Variants in COL6A6 observed in about 807,000 individuals in gnomAD.
COL6A6 encodes the protein collagen type VI alpha 6 chain.
A neutral mutation model predicts 208.6 loss-of-function variants in COL6A6; 183 were observed. The ratio of observed to expected loss-of-function variants is 0.88; its 90% CI spans 0.78 to 0.99. The LOEUF (loss-of-function observed/expected upper bound fraction) is 0.99, where lower values mean the gene tolerates loss of function less well. COL6A6 is among the 50% of genes least tolerant of loss of function. COL6A6 has a pLI of 0.00. For synonymous variants in COL6A6, 973 were observed against 1,011.8 expected (o/e 0.96, Z 0.73); for missense variants, 2,816 against 2,815.2 (o/e 1.00, Z -0.01).
In COL6A6 at chr3:130,592,554, C is replaced by T. The variant is rs73868925; in HGVS notation, c.4286C>T (p.Ala1429Val). ...GCCCTTTCTCAGGGAGAAAGAGGAG[C>T]CCCTGGACCAGTGGGAGAGCAAGGT... ...GEEGIAGERG[A>V]PGPVGEQGTK... The change falls in exon 14 of 37, where the codon GCC becomes GTC. Residue 1429 changes from alanine (A) to valine (V), a missense_variant. Physicochemically the swap from Ala to Val is moderately conservative, Grantham distance 64. Coordinates refer to ENST00000358511, the MANE Select transcript of COL6A6 (RefSeq NM_001102608.3). 0.094 allele frequency: 150,460 copies of T among 1,602,270 alleles called. 8,342 individuals are homozygous for T. The highest frequency in any genetic ancestry group is 0.21 in the South Asian group (18,683 of 89,914).
intron 1 of COL6A6, among the ~76,000 whole-genome samples, chr3:130,539,632 CAAA>C (rs67040926): frequency 7.3e-6 from 1 of 137,434 alleles, no homozygotes; most frequent in Non-Finnish European, 1.6e-5. Context: ...GACTCCGTCT[CAAA>C]AAAAAAAAAA....
intron 1 of COL6A6, among the ~76,000 whole-genome samples, chr3:130,552,288 C>A (rs2062660909): frequency 6.6e-6 from 1 of 152,168 alleles, no homozygotes; most frequent in Admixed American, 6.5e-5. Context: ...TCATAGGTCT[C>A]TGGGAACTTG....
rs762430962 is a variant in COL6A6 at position 130,662,242 on chromosome 3, C to T, written c.6436C>T (p.Arg2146Ter). ...GGATCACCACCTGGTCCAGCTTGGC[C>T]GAATTCATAAACCTGACCACAGTTA... The part of the protein sequence containing the change: ...PLDHHLVQLG[R>*]IHKPDHSYGV... Residue 2146 changes from arginine (R) to a stop codon, truncating the protein, a stop_gained, in exon 35 of 37, where the codon CGA becomes TGA. Transcript: ENST00000358511. LOFTEE classifies it high-confidence loss of function. The T allele has an allele frequency of 4.3e-6, 7 of 1,613,930 alleles. No individual in the cohort carries two copies. In the South Asian group the frequency reaches 4.4e-5, roughly 10 times the overall value.
Position 130,570,981 on chromosome 3 carries a change from T to TG in COL6A6, c.2566dup (p.Asp856GlyfsTer10). 6.2e-7 allele frequency: 1 copy of TG among 1,614,038 alleles called. No individual in the cohort carries two copies. Among genetic ancestry groups the TG allele is most frequent in the Non-Finnish European group, 8.5e-7 (1 of 1,179,888 alleles). The stretch of plus-strand genomic sequence containing the variant: ...GGTTTGGGGCTCTGAAGTATGCTGA[T>TG]GACCCAGAGGTGCTGTTTTATCTGG... On this transcript the variant is annotated frameshift_variant, in exon 7 of 37. Transcript: ENST00000358511. LOFTEE classifies it high-confidence loss of function.
chr3:130,565,476 C>G lies in COL6A6; in HGVS notation c.1144C>G (p.Pro382Ala). Residue 382 changes from proline (P) to alanine (A), a missense_variant, in exon 4 of 37, where the codon CCT becomes GCT. Physicochemically the swap from Pro to Ala is conservative, Grantham distance 27. Coordinates refer to ENST00000358511, the MANE Select transcript of COL6A6 (RefSeq NM_001102608.3). ...DTQLEKIASH[P>A]AEQYVSKLKT... is the part of the protein sequence containing the mutation. Reference sequence around the variant, plus strand: ...CCAGTTGGAAAAGATAGCATCCCACCCTGCTGAGCAGTATGTCTCCAAACT... The same window carrying G: ...CCAGTTGGAAAAGATAGCATCCCACGCTGCTGAGCAGTATGTCTCCAAACT... 6.2e-7 allele frequency: 1 copy of G among 1,614,014 alleles called. No individual in the cohort carries two copies. Among genetic ancestry groups the G allele is most frequent in the South Asian group, 1.1e-5 (1 of 91,082 alleles).
chr3:130,541,248 A>T (rs1337600934), intron 1 of COL6A6, among the ~76,000 whole-genome samples: 1 of 152,262 alleles, frequency 6.6e-6, no homozygotes, highest in Non-Finnish European at 1.5e-5. Context: ...AATGAAAATC[A>T]GAGCCACAGT....
At chr3:130,533,457 T>G (rs547442291) in intron 1 of COL6A6, among the ~76,000 whole-genome samples, 1 of 152,330 alleles carries the variant, frequency 6.6e-6, no homozygotes, top group African/African-American at 2.4e-5. Context: ...TTAGCATTCC[T>G]TTTTTCTTAT....
chr3:130,539,736 T>G (rs1176816365), intron 1 of COL6A6, among the ~76,000 whole-genome samples: 2 of 152,188 alleles, frequency 1.3e-5, no homozygotes, highest in Non-Finnish European at 2.9e-5. Context: ...CAAAATATGC[T>G]CTTCACTTCC....
intron 27 of COL6A6, 62 bp downstream of exon 27, chr3:130,634,687 T>A: frequency 8.1e-7 from 1 of 1,236,160 alleles, no homozygotes; most frequent in Non-Finnish European, 1.2e-6. Context: ...TTATGAAATG[T>A]ATCCTAGGCC....
At chr3:130,609,702 G>T (rs893515426) in intron 22 of COL6A6, among the ~76,000 whole-genome samples, 14 of 151,964 alleles carry the variant, frequency 9.2e-5, no homozygotes, top group Admixed American at 5.2e-4. Context: ...TGTTCTATTT[G>T]GCATAGGCAG....
At position 130,574,156 on chromosome 3, in the gene COL6A6, G is replaced by A. The variant is rs1397172921; in HGVS notation, c.3178G>A (p.Glu1060Lys). ...GTTTCCACTGGGAACTTTCATAGGTGAAAAAGAGATATCATTTCAGATTGA... is the reference window on the plus strand; with the variant it reads ...GTTTCCACTGGGAACTTTCATAGGTAAAAAAGAGATATCATTTCAGATTGA... ...PEFPLGTFIG[E>K]KEISFQIENI... Residue 1060 changes from glutamate to lysine, a missense_variant, in exon 8 of 37, where the codon GAA becomes AAA. Transcript: ENST00000358511. 3 of 1,613,872 alleles carry A rather than the reference G, an allele frequency of 1.9e-6. No homozygotes were observed. Among genetic ancestry groups the A allele is most frequent in the South Asian group, 1.1e-5 (1 of 91,082 alleles).
intron 32 of COL6A6, among the ~76,000 whole-genome samples, chr3:130,648,050 A>C (rs577358313): frequency 1.3e-5 from 2 of 152,354 alleles, no homozygotes; most frequent in South Asian, 4.1e-4. Context: ...AACTAGGATA[A>C]ATGAACATTA....
At chr3:130,516,851 G>A (rs1710764547), upstream of COL6A6, among the ~76,000 whole-genome samples, 1 of 152,216 alleles carries the variant, frequency 6.6e-6, no homozygotes, top group Non-Finnish European at 1.5e-5. Context: ...TCCAACGGTA[G>A]GAGCAGAGCT....
chr3:130,656,640 C>T (rs925932462), intron 33 of COL6A6, among the ~76,000 whole-genome samples: 3 of 152,180 alleles, frequency 2.0e-5, no homozygotes, highest in African/African-American at 7.2e-5. Flanking sequence ...GGTGGGGTTT[C>T]ACTGAGGACC....
chr3:130,586,693 A>G (rs2063550218), intron 11 of COL6A6, 33 bp downstream of exon 11: 1 of 1,582,766 alleles, frequency 6.3e-7, no homozygotes, highest in Non-Finnish European at 8.6e-7. Context: ...GTGAGCTTAA[A>G]TTTTCAATTA....
chr3:130,566,923 G>A lies in COL6A6; in HGVS notation c.1504G>A (p.Ala502Thr). 1 of 1,613,928 alleles carries A rather than the reference G, an allele frequency of 6.2e-7. No individual in the cohort carries two copies. Among genetic ancestry groups the A allele is most frequent in the Non-Finnish European group, 8.5e-7 (1 of 1,179,802 alleles). Reference sequence around the variant, plus strand: ...CTCCAACAAGCAGGATTTGGGAAAGGCCATTGAGAATATCAGGCAGATGGG... The same window carrying A: ...CTCCAACAAGCAGGATTTGGGAAAGACCATTGAGAATATCAGGCAGATGGG... Reference protein sequence around the residue: ...KYSNKQDLGKAIENIRQMGGN... With the variant: ...KYSNKQDLGKTIENIRQMGGN... Residue 502 changes from alanine to threonine, a missense_variant, in exon 5 of 37, where the codon GCC becomes ACC. By Grantham distance (58) the Ala-to-Thr change is moderately conservative (BLOSUM62 0). Coordinates refer to ENST00000358511, the MANE Select transcript of COL6A6 (RefSeq NM_001102608.3).
chr3:130,543,945 CATG>C (rs917874432), intron 1 of COL6A6, among the ~76,000 whole-genome samples: 1 of 152,108 alleles, frequency 6.6e-6, no homozygotes, highest in African/African-American at 2.4e-5. Context: ...AGATATGCAA[CATG>C]ATATTTTGAT....
intron 23 of COL6A6, 22 bp downstream of exon 23, chr3:130,610,733 T>C: frequency 6.5e-7 from 1 of 1,531,762 alleles, no homozygotes; most frequent in South Asian, 1.2e-5. Flanking sequence ...GAAAAATGAT[T>C]GCATCTGACT....
At chr3:130,597,061 T>G (rs1212799226) in intron 18 of COL6A6, among the ~76,000 whole-genome samples, 1 of 152,206 alleles carries the variant, frequency 6.6e-6, no homozygotes, top group Admixed American at 6.5e-5. Flanking sequence ...TGGTATATGA[T>G]TCTTTTTATG....
Sources: gnomAD v4.1 joint callset for allele counts (sites outside exome capture counted in the v4.1 genomes callset) on GRCh38, gnomAD v4.1.1 for gene constraint, MANE v1.5 for transcripts, NCBI Gene and HGNC (gene_info 2026-07-23, HGNC 2026-07-21) for gene names.